UBE2F: variants seen among roughly 807,000 people sequenced by gnomAD.
The protein encoded by UBE2F is NEDD8-conjugating enzyme UBE2F.
Under a neutral mutation model 29.6 loss-of-function variants are expected in UBE2F, and 5 were observed. The ratio of observed to expected loss-of-function variants is 0.17; its 90% confidence interval spans 0.09 to 0.36. The LOEUF (loss-of-function observed/expected upper bound fraction) is 0.36, where lower values mean the gene tolerates loss of function less well. Ranked by LOEUF, UBE2F falls within the 10% of genes least tolerant of loss-of-function variation. The pLI is 1.00. For synonymous variants in UBE2F, 66 were observed against 81.8 expected (o/e 0.81, Z 1.04); for missense variants, 141 against 228.5 (o/e 0.62, Z 2.47).
intron 6 of UBE2F, chr2:238,029,120 A>G (rs1322268220): frequency 1.3e-5 from 2 of 152,112 alleles, no homozygotes; most frequent in Non-Finnish European, 2.9e-5. Context: ...ATAGACAGTA[A>G]TGACCAGGAC....
At chr2:238,000,411 A>C (rs2063770068) in intron 4 of UBE2F, among the ~76,000 whole-genome samples, 1 of 152,158 alleles carries the variant, frequency 6.6e-6, no homozygotes, top group Admixed American at 6.5e-5. Context: ...AGTGTTTTTA[A>C]AAGTAATGTT....
intron 4 of UBE2F, among the ~76,000 whole-genome samples, chr2:238,002,359 G>T (rs977007762): frequency 3.3e-5 from 5 of 152,086 alleles, no homozygotes; most frequent in African/African-American, 1.2e-4. Context: ...ATGCTGGTGC[G>T]CTGCACCCAC....
At chr2:238,028,427 A>G (rs1452938982) in intron 6 of UBE2F, among the ~76,000 whole-genome samples, 1 of 152,274 alleles carries the variant, frequency 6.6e-6, no homozygotes, top group African/African-American at 2.4e-5. Context: ...TGAAGGTTGC[A>G]TTAAGATCTA....
intron 4 of UBE2F, among the ~76,000 whole-genome samples, chr2:238,004,181 C>A (rs2063854608): frequency 6.6e-6 from 1 of 152,166 alleles, no homozygotes; most frequent in African/African-American, 2.4e-5. Flanking sequence ...TAAGAAACTA[C>A]AAAATTGTTC....
chr2:238,028,035 G>A (rs2064475454), intron 6 of UBE2F, among the ~76,000 whole-genome samples: 1 of 152,198 alleles, frequency 6.6e-6, no homozygotes, highest in African/African-American at 2.4e-5. Flanking sequence ...TACAGTTCGT[G>A]GGGTGTCCTT....
chr2:237,978,144 A>G (rs2063317770), intron 2 of UBE2F, among the ~76,000 whole-genome samples: 1 of 152,166 alleles, frequency 6.6e-6, no homozygotes, highest in Non-Finnish European at 1.5e-5. Flanking sequence ...TGCAACTGTC[A>G]TTCGTTAGAT....
intron 3 of UBE2F, among the ~76,000 whole-genome samples, chr2:237,990,273 G>A (rs2063558100): frequency 6.6e-6 from 1 of 151,120 alleles, no homozygotes; most frequent in Non-Finnish European, 1.5e-5. Flanking sequence ...CTGGGGGATG[G>A]GTTCATTATA....
intron 2 of UBE2F, among the ~76,000 whole-genome samples, chr2:237,980,359 A>G (rs1032496477): frequency 1.3e-5 from 2 of 152,224 alleles, no homozygotes; most frequent in African/African-American, 2.4e-5. Flanking sequence ...CTGGAAGGCC[A>G]CCTTCAAGTT....
chr2:238,041,072 C>A (rs958991847), intron 9 of UBE2F, among the ~76,000 whole-genome samples: 5 of 152,148 alleles, frequency 3.3e-5, no homozygotes, highest in African/African-American at 1.2e-4. Flanking sequence ...CACGTGCTCC[C>A]CCCTCAACAT....
rs575829605 is a variant in UBE2F at position 237,976,890 on chromosome 2, T to C, written c.118+3665T>C. On this transcript the variant is annotated intron_variant, in intron 2 of 9. Transcript: ENST00000272930. Reference sequence around the variant, plus strand: ...GACTCAGGTTAAGAAACTTGCCCAGTTTGCGGGTTTATTGCAGCAAGACAG... The same window carrying C: ...GACTCAGGTTAAGAAACTTGCCCAGCTTGCGGGTTTATTGCAGCAAGACAG... Among the ~76,000 whole-genome samples, 5 of 152,258 alleles carry C rather than the reference T, an allele frequency of 3.3e-5. No individual in the cohort carries two copies. The South Asian group carries it at 1.0e-3, about 32-fold the overall frequency.
At chr2:238,016,260 A>T (rs1385405767) in intron 4 of UBE2F, among the ~76,000 whole-genome samples, 1 of 152,168 alleles carries the variant, frequency 6.6e-6, no homozygotes, top group Non-Finnish European at 1.5e-5. Flanking sequence ...TTCCAGGAAC[A>T]TGGTAGGATG....
intron 3 of UBE2F, among the ~76,000 whole-genome samples, chr2:237,994,109 CTTTT>C (rs34177204): frequency 2.8e-4 from 34 of 122,350 alleles, no homozygotes; most frequent in African/African-American, 7.2e-4. Context: ...TCTTCTTCTT[CTTTT>C]TTTTTTTTTT....
intron 4 of UBE2F, among the ~76,000 whole-genome samples, chr2:237,995,703 T>G (rs4663824): frequency 0.86 from 130,657 of 152,160 alleles, 56,249 homozygotes; most frequent in East Asian, 0.97. Flanking sequence ...TAGGATGGGC[T>G]TTTTCTGTGG....
chr2:238,025,886 C>G (rs1036970009), intron 6 of UBE2F, among the ~76,000 whole-genome samples: 1 of 152,196 alleles, frequency 6.6e-6, no homozygotes, highest in African/African-American at 2.4e-5. Context: ...TGTCAGGGCA[C>G]TTAGGGCAGG....
chr2:237,968,620 A>G (rs1402153587), intron 1 of UBE2F, among the ~76,000 whole-genome samples: 1 of 152,174 alleles, frequency 6.6e-6, no homozygotes, highest in Non-Finnish European at 1.5e-5. Flanking sequence ...TGGTTTTGCC[A>G]TTGCTTGCAG....
At chr2:237,979,420 T>C (rs1188417058) in intron 2 of UBE2F, among the ~76,000 whole-genome samples, 5 of 152,030 alleles carry the variant, frequency 3.3e-5, no homozygotes, top group African/African-American at 1.2e-4. Flanking sequence ...CCCATTTCAG[T>C]GTTGGGGGAG....
At chr2:237,991,814 C>T (rs11687258) in intron 3 of UBE2F, among the ~76,000 whole-genome samples, 7,808 of 150,566 alleles carry the variant, frequency 0.052, 204 homozygotes, top group South Asian at 0.072. Flanking sequence ...GGATTACAGG[C>T]GTGAGCCGCT....
intron 9 of UBE2F, among the ~76,000 whole-genome samples, 199 bp downstream of exon 9, chr2:238,036,139 G>C (rs1449960656): frequency 6.6e-6 from 1 of 152,126 alleles, no homozygotes; most frequent in African/African-American, 2.4e-5. Flanking sequence ...AGGTTGGAGA[G>C]AATTGGTGTG....
intron 5 of UBE2F, among the ~76,000 whole-genome samples, chr2:238,020,011 T>G (rs1050996108): frequency 6.6e-6 from 1 of 152,152 alleles, no homozygotes; most frequent in Non-Finnish European, 1.5e-5. Context: ...CAGGCAAGTG[T>G]GGGGCAACTT....
Sources: allele counts gnomAD v4.1 joint callset (sites outside exome capture counted in the v4.1 genomes callset), GRCh38; gene constraint gnomAD v4.1.1; transcripts MANE v1.5; gene names NCBI Gene and HGNC (gene_info 2026-07-23, HGNC 2026-07-21).